The following TAFA1 variants were observed in gnomAD, a reference collection of about 807,000 sequenced individuals.
TAFA1 encodes the protein TAFA chemokine like family member 1.
TAFA1 carries 4 observed loss-of-function variants against 18.5 expected under a neutral mutation model. The observed-to-expected ratio is 0.22, with a 90% confidence interval of 0.11 to 0.49. The LOEUF (loss-of-function observed/expected upper bound fraction) is 0.49. Among genes scored for constraint, TAFA1 ranks in the 20% least tolerant of loss-of-function variants. The pLI is 0.98. For missense variants in TAFA1, 147 were observed against 169.0 expected, an observed-to-expected ratio of 0.87 and a Z score of 0.72; for synonymous variants, 56 against 55.2, an observed-to-expected ratio of 1.01 and a Z score of -0.06.
chr3:68,373,468 A>T (rs1301300735), intron 2 of TAFA1, among the ~76,000 whole-genome samples: 2 of 152,168 alleles, frequency 1.3e-5, no homozygotes, highest in Non-Finnish European at 2.9e-5. Flanking sequence ...CTTCATCCAT[A>T]TCAACTCAGG....
intron 3 of TAFA1, among the ~76,000 whole-genome samples, chr3:68,460,329 G>A (rs1422203119): frequency 6.6e-6 from 1 of 152,104 alleles, no homozygotes; most frequent in Non-Finnish European, 1.5e-5. Flanking sequence ...TCATGAAGAT[G>A]TCAATACAAG....
chr3:68,092,348 T>C (rs1476549836), intron 2 of TAFA1, among the ~76,000 whole-genome samples: 1 of 152,122 alleles, frequency 6.6e-6, no homozygotes, highest in African/African-American at 2.4e-5. Flanking sequence ...CAGTCAACAG[T>C]GACTTGTTAT....
intron 2 of TAFA1, among the ~76,000 whole-genome samples, chr3:68,326,862 C>T (rs1272826257): frequency 6.6e-6 from 1 of 152,106 alleles, no homozygotes; most frequent in Non-Finnish European, 1.5e-5. Context: ...AACCACAAAA[C>T]AGAGTTTGGA....
chr3:68,263,727 C>T (rs1365998161), intron 2 of TAFA1, among the ~76,000 whole-genome samples: 2 of 152,126 alleles, frequency 1.3e-5, no homozygotes, highest in Non-Finnish European at 2.9e-5. Flanking sequence ...CTGCCATTCT[C>T]TGTCTCAGGC....
At chr3:68,029,696 G>A (rs1704890244) in intron 2 of TAFA1, among the ~76,000 whole-genome samples, 1 of 152,190 alleles carries the variant, frequency 6.6e-6, no homozygotes, top group African/African-American at 2.4e-5. Context: ...TAAAGTAGCG[G>A]ATGTACTCTT....
At chr3:68,319,037 A>G (rs759190668) in intron 2 of TAFA1, among the ~76,000 whole-genome samples, 16 of 152,178 alleles carry the variant, frequency 1.1e-4, no homozygotes, top group Non-Finnish European at 1.3e-4. Context: ...CTCAGCAAAT[A>G]TATTCCTTTC....
intron 2 of TAFA1, among the ~76,000 whole-genome samples, chr3:68,305,225 A>T (rs966169012): frequency 7.0e-6 from 1 of 143,666 alleles, no homozygotes; most frequent in African/African-American, 2.5e-5. Flanking sequence ...TTTTTCCCAT[A>T]TGTTTTTTTT....
At position 68,104,626 on chromosome 3, in the gene TAFA1, C is replaced by T. The variant is rs368632974; in HGVS notation, c.118+97882C>T. ...GAATTGGCAAACTATAGCCTAGAAG[C>T]CAACTCTGGCCCAGAGCCTTTTATA... On this transcript the variant is annotated intron_variant, in intron 2 of 4. Transcript: ENST00000478136. Among the ~76,000 whole-genome samples the T allele has an allele frequency of 1.4e-4, 22 of 152,064 alleles. No homozygotes were observed. In the East Asian group the frequency reaches 4.3e-3, roughly 29 times the overall value.
intron 2 of TAFA1, among the ~76,000 whole-genome samples, chr3:68,413,301 A>G (rs961451367): frequency 1.3e-5 from 2 of 152,172 alleles, no homozygotes; most frequent in Non-Finnish European, 2.9e-5. Flanking sequence ...GGTAGATTGT[A>G]AAATTTTTCT....
chr3:68,114,652 C>T (rs2106844330), intron 2 of TAFA1, among the ~76,000 whole-genome samples: 1 of 152,284 alleles, frequency 6.6e-6, no homozygotes, highest in African/African-American at 2.4e-5. Flanking sequence ...AACACTTTGA[C>T]AAATATTGGC....
chr3:68,083,866 C>T (rs901860097), intron 2 of TAFA1, among the ~76,000 whole-genome samples: 1 of 152,190 alleles, frequency 6.6e-6, no homozygotes, highest in Non-Finnish European at 1.5e-5. Flanking sequence ...ACATTCTCCA[C>T]ATATCTTGTT....
chr3:68,112,167 G>C (rs1160992126), intron 2 of TAFA1, among the ~76,000 whole-genome samples: 1 of 152,156 alleles, frequency 6.6e-6, no homozygotes, highest in East Asian at 1.9e-4. Context: ...TCTGTTCCCT[G>C]TGGTCAGTGG....
chr3:68,070,658 GCT>G (rs2064742751), intron 2 of TAFA1, among the ~76,000 whole-genome samples: 1 of 152,160 alleles, frequency 6.6e-6, no homozygotes, highest in African/African-American at 2.4e-5. Context: ...GAACTTTTAT[GCT>G]CTGTTTCCCT....
Position 68,211,070 on chromosome 3 carries a change from A to G in TAFA1, c.118+204326A>G, listed in dbSNP as rs532016152. ...TGCTAGAGTCTCTTCACAACTTGGC[A>G]GCTAGCCTCCCCCAAGCGAGTGATC... On this transcript the variant is annotated intron_variant, in intron 2 of 4. Transcript: ENST00000478136. 3.3e-5 allele frequency among the ~76,000 whole-genome samples: 5 copies of G among 152,144 alleles called. No individual in the cohort carries two copies. The South Asian group carries it at 6.2e-4, about 19-fold the overall frequency.
chr3:68,342,422 G>A (rs755312530), intron 2 of TAFA1, among the ~76,000 whole-genome samples: 1 of 152,158 alleles, frequency 6.6e-6, no homozygotes, highest in Non-Finnish European at 1.5e-5. Flanking sequence ...TCCCATATCA[G>A]TGCAGCAAGA....
chr3:68,284,743 C>T (rs2067964884), intron 2 of TAFA1, among the ~76,000 whole-genome samples: 1 of 151,414 alleles, frequency 6.6e-6, no homozygotes, highest in Non-Finnish European at 1.5e-5. Flanking sequence ...TCCTGGGCGA[C>T]ATAGTGAGAA....
chr3:68,485,133 C>T (rs1370843647), intron 3 of TAFA1, among the ~76,000 whole-genome samples: 1 of 151,986 alleles, frequency 6.6e-6, no homozygotes, highest in African/African-American at 2.4e-5. Context: ...TCTAATCCAC[C>T]CAGAACAAAT....
chr3:68,369,678 G>T (rs1314907774), intron 2 of TAFA1, among the ~76,000 whole-genome samples: 1 of 152,118 alleles, frequency 6.6e-6, no homozygotes, highest in East Asian at 1.9e-4. Flanking sequence ...TTAGGGATTT[G>T]CCATCACTCA....
chr3:68,477,587 G>A (rs1023110507), intron 3 of TAFA1, among the ~76,000 whole-genome samples: 12 of 151,960 alleles, frequency 7.9e-5, no homozygotes, highest in Non-Finnish European at 1.8e-4. Flanking sequence ...CACTATGTTG[G>A]TCAGGCTGGT....
Sources: allele counts gnomAD v4.1 joint callset (sites outside exome capture counted in the v4.1 genomes callset), GRCh38; gene constraint gnomAD v4.1.1; transcripts MANE v1.5; gene names NCBI Gene and HGNC (gene_info 2026-07-23, HGNC 2026-07-21).